Variants in GSPT2 observed in about 807,000 individuals in gnomAD.
The protein encoded by GSPT2 is eukaryotic peptide chain release factor GTP-binding subunit ERF3B.
GSPT2 carries 2 observed loss-of-function variants against 24.6 expected under a neutral mutation model. The ratio of observed to expected loss-of-function variants is 0.08; its 90% CI spans 0.03 to 0.26. The LOEUF (loss-of-function observed/expected upper bound fraction) is 0.26, where lower values mean the gene tolerates loss of function less well. Ranked by LOEUF, GSPT2 falls within the 10% of genes least tolerant of loss-of-function variation. GSPT2 has a pLI of 1.00. For synonymous variants in GSPT2, 194 were observed against 189.3 expected (o/e 1.02, Z -0.20); for missense variants, 322 against 489.6 (o/e 0.66, Z 3.23).
Position 51,744,602 on chromosome X carries a change from G to T in GSPT2, c.976G>T (p.Gly326Cys). 1 of 1,211,618 alleles carries T rather than the reference G, an allele frequency of 8.3e-7. No homozygotes were observed. Among genetic ancestry groups the T allele is most frequent in the Non-Finnish European group, 1.1e-6 (1 of 895,442 alleles). Residue 326 changes from glycine to cysteine, a missense_variant, in exon 1 of 1, where the codon GGT becomes TGT. By Grantham distance (159) the Gly-to-Cys change is radical. Transcript: ENST00000340438. ...KGEFETGFEKGGQTREHAMLA... is the reference protein window; with the variant it reads ...KGEFETGFEKCGQTREHAMLA... ...AGAGTTTGAAACTGGATTTGAAAAA[G>T]GTGGACAGACAAGAGAACATGCGAT...
In GSPT2 at chrX:51,744,459, CAG is replaced by C; in HGVS notation, c.835_836del (p.Glu279LysfsTer27). On this transcript the variant is annotated frameshift_variant, in exon 1 of 1. Coordinates refer to ENST00000340438, the MANE Select transcript of GSPT2 (RefSeq NM_018094.5). LOFTEE classifies it high-confidence loss of function. ...GAAGTGGGTCGTGCCTATTTTGAAA[CAG>C]AAAGGAAACATTTCACAATTTTAGA... is the stretch of plus-strand genomic sequence containing the variant. 8.3e-7 allele frequency: 1 copy of C among 1,210,813 alleles called. No homozygotes were observed. The highest frequency in any genetic ancestry group is 1.1e-6 in the Non-Finnish European group (1 of 894,897).
At position 51,743,799 on chromosome X, in the gene GSPT2, C is replaced by G; in HGVS notation, c.173C>G (p.Pro58Arg). ...CGTAAGCTCAACGTCAACGCCAAGC[C>G]CTTCGTGCCTAACGTACACGCCGCG... ...FSRKLNVNAK[P>R]FVPNVHAAEF... The change falls in exon 1 of 1, where the codon CCC (proline) becomes CGC (arginine). Residue 58 changes from proline to arginine, a missense_variant. Physicochemically the swap from Pro to Arg is moderately radical, Grantham distance 103. Transcript: ENST00000340438. The G allele has an allele frequency of 8.3e-7, 1 of 1,211,618 alleles. No homozygotes were observed. Among genetic ancestry groups the G allele is most frequent in the Non-Finnish European group, 1.1e-6 (1 of 895,303 alleles).
At position 51,745,745 on chromosome X, in the gene GSPT2, T is replaced by A. The variant is rs1557349051; in HGVS notation, c.*232T>A. ...TACCACTCTGCTTCCTTGGACAATA[T>A]CAGTAATAGCTTTGTAAGTGATGTG... On this transcript the variant is annotated 3_prime_UTR_variant, in exon 1 of 1. Transcript: ENST00000340438. 2.6e-6 allele frequency: 1 copy of A among 390,319 alleles called. No individual in the cohort carries two copies. Among genetic ancestry groups the A allele is most frequent in the South Asian group, 5.6e-5 (1 of 17,839 alleles). The allele number at this position is 390,319 out of a possible 1,213,427, so 32.2% of individuals were successfully genotyped here.
At position 51,744,356 on chromosome X, in the gene GSPT2, G is replaced by GA; in HGVS notation, c.737dup (p.Asn246LysfsTer22). ...GGAGAAATATGAAAGAGAAGCTAAG[G>GA]AAAAAAACAGAGAAACCTGGTATTT... On this transcript the variant is annotated frameshift_variant, in exon 1 of 1. Coordinates refer to ENST00000340438, the MANE Select transcript of GSPT2 (RefSeq NM_018094.5). LOFTEE classifies it high-confidence loss of function. 1 of 1,210,558 alleles carries GA rather than the reference G, an allele frequency of 8.3e-7. No homozygotes were observed. The highest frequency in any genetic ancestry group is 1.1e-6 in the Non-Finnish European group (1 of 894,901).
Position 51,743,543 on chromosome X carries a change from T to G in GSPT2, c.-84T>G. The G allele has an allele frequency of 1.1e-6, 1 of 887,191 alleles. No homozygotes were observed. Among genetic ancestry groups the G allele is most frequent in the East Asian group, 3.2e-5 (1 of 31,179 alleles). The allele number at this position is 887,191 out of a possible 1,213,427, so 73.1% of individuals were successfully genotyped here. ...TCGCTACCCCTTGGCCCTTCGCTCT[T>G]GCTGCCTTAACCCCGCCGGCGGAGC... is the stretch of plus-strand genomic sequence containing the variant. On this transcript the variant is annotated 5_prime_UTR_variant, in exon 1 of 1. Transcript: ENST00000340438.
rs1557348970 is a variant in GSPT2, at chrX:51,745,072, T to A, written c.1446T>A (p.Thr482=). 3 of 1,207,738 alleles carry A rather than the reference T, an allele frequency of 2.5e-6. No homozygotes were observed. In the East Asian group the frequency reaches 8.9e-5, roughly 36 times the overall value. Residue 482 remains threonine (T), a synonymous_variant, in exon 1 of 1, where the codon ACT becomes ACA. Transcript: ENST00000340438. ...VLGILSDDTE[T]DFVAPGENLK... Reference sequence around the variant, plus strand: ...GAATACTTTCTGATGATACTGAAACTGATTTTGTAGCCCCAGGTGAAAACC... The same window carrying A: ...GAATACTTTCTGATGATACTGAAACAGATTTTGTAGCCCCAGGTGAAAACC...
Position 51,744,206 on chromosome X carries a change from G to A in GSPT2, c.580G>A (p.Val194Ile), listed in dbSNP as rs367676302. The stretch of plus-strand genomic sequence containing the variant: ...AATAAGAAAATCCAAATCTGTGATC[G>A]TACCCTCAGGTGCACCTAAGAAAGA... ...EEIRKSKSVI[V>I]PSGAPKKEHV... The change falls in exon 1 of 1, where the codon GTA becomes ATA. Residue 194 changes from valine (V) to isoleucine (I), a missense_variant. Physicochemically the swap from Val to Ile is conservative, Grantham distance 29. Around this residue, in one of 4 missense-constraint regions of GSPT2, gnomAD observed 72 missense variants for 121.5 expected, o/e 0.59. Transcript: ENST00000340438. 1.6e-5 allele frequency: 19 copies of A among 1,204,554 alleles called. No individual in the cohort carries two copies. The highest frequency in any genetic ancestry group is 1.2e-5 in the Non-Finnish European group (11 of 891,075).
Position 51,743,784 on chromosome X carries a change from A to G in GSPT2, c.158A>G (p.Asn53Ser). ...AGCTCGGCTTTCAGCCGTAAGCTCA[A>G]CGTCAACGCCAAGCCCTTCGTGCCT... is the stretch of plus-strand genomic sequence containing the variant. ...PLSSAFSRKL[N>S]VNAKPFVPNV... Residue 53 changes from asparagine (N) to serine (S), a missense_variant, in exon 1 of 1, where the codon AAC becomes AGC. By Grantham distance (46) the Asn-to-Ser change is conservative (BLOSUM62 1). Transcript: ENST00000340438. 8.3e-7 allele frequency: 1 copy of G among 1,211,540 alleles called. No homozygotes were observed. The highest frequency in any genetic ancestry group is 2.3e-4 in the Middle Eastern group (1 of 4,354).
In GSPT2 at chrX:51,743,766, C is replaced by A. The variant is rs1409550536; in HGVS notation, c.140C>A (p.Ala47Asp). Residue 47 changes from alanine to aspartate, a missense_variant, in exon 1 of 1, where the codon GCT (alanine) becomes GAT (aspartate). Physicochemically the swap from Ala to Asp is moderately radical, Grantham distance 126 (BLOSUM62 -2). Around this residue, in one of 4 missense-constraint regions of GSPT2, gnomAD observed 125 missense variants for 121.3 expected, o/e 1.03. Coordinates refer to ENST00000340438, the MANE Select transcript of GSPT2 (RefSeq NM_018094.5). ...GCCCAGCGCGAGCCCCTCAGCTCGG[C>A]TTTCAGCCGTAAGCTCAACGTCAAC... is the stretch of plus-strand genomic sequence containing the variant. ...AEAQREPLSS[A>D]FSRKLNVNAK... 2 of 1,210,286 alleles carry A rather than the reference C, an allele frequency of 1.7e-6. No individual in the cohort carries two copies. Among genetic ancestry groups the A allele is most frequent in the East Asian group, 5.9e-5 (2 of 33,752 alleles).
Position 51,745,097 on chromosome X carries a change from C to T in GSPT2, c.1471C>T (p.Leu491Phe). The change falls in exon 1 of 1, where the codon CTC (leucine) becomes TTC (phenylalanine). Residue 491 changes from leucine (L) to phenylalanine (F), a missense_variant. This residue lies in a region of GSPT2 where 117 missense variants were observed against 204.1 expected (regional missense o/e 0.57). Transcript: ENST00000340438. ...ETDFVAPGENLKIRLKGIEEE... is the reference protein window; with the variant it reads ...ETDFVAPGENFKIRLKGIEEE... ...TGATTTTGTAGCCCCAGGTGAAAAC[C>T]TCAAAATCAGACTGAAGGGAATTGA... is the stretch of plus-strand genomic sequence containing the variant. The T allele has an allele frequency of 8.3e-7, 1 of 1,209,381 alleles. No homozygotes were observed. Among genetic ancestry groups the T allele is most frequent in the Non-Finnish European group, 1.1e-6 (1 of 893,460 alleles).
Position 51,743,981 on chromosome X carries a change from G to A in GSPT2, c.355G>A (p.Val119Met), listed in dbSNP as rs1457544403. 1 of 1,206,809 alleles carries A rather than the reference G, an allele frequency of 8.3e-7. No homozygotes were observed. The highest frequency in any genetic ancestry group is 1.7e-5 in the African/African-American group (1 of 57,150). Reference protein sequence around the residue: ...PVEPSREEPLVSLEGSNSAVT... With the variant: ...PVEPSREEPLMSLEGSNSAVT... ...GGAACCTTCCCGAGAGGAACCGTTA[G>A]TGTCGCTTGAAGGTTCCAATTCAGC... The change falls in exon 1 of 1, where the codon GTG (valine) becomes ATG (methionine). Residue 119 changes from valine to methionine, a missense_variant. Physicochemically the swap from Val to Met is conservative, Grantham distance 21. This residue lies in a region of GSPT2 where 125 missense variants were observed against 121.3 expected (regional missense o/e 1.03). Transcript: ENST00000340438.
rs1249484331 is a variant in GSPT2, at chrX:51,743,635, G to A, written c.9G>A (p.Ser3=). 1.7e-6 allele frequency: 2 copies of A among 1,193,613 alleles called. No homozygotes were observed. The highest frequency in any genetic ancestry group is 3.0e-5 in the East Asian group (1 of 33,596). The part of the protein sequence containing the change: MD[S]GSSSSDSAPD... ...CAGCAAGTTCCGAGACCATGGATTC[G>A]GGCAGCAGCAGCAGCGACTCGGCGC... Residue 3 remains serine, a synonymous_variant, in exon 1 of 1, where the codon TCG becomes TCA. Coordinates refer to ENST00000340438, the MANE Select transcript of GSPT2 (RefSeq NM_018094.5).
chrX:51,744,682 T>C lies in GSPT2; in HGVS notation c.1056T>C (p.Asp352=). ...TAATAGTGCTTATTAATAAGATGGA[T>C]GATCCCACAGTAAATTGGAGCATCG... The part of the protein sequence containing the change: ...KHLIVLINKM[D]DPTVNWSIER... Residue 352 remains aspartate, a synonymous_variant, in exon 1 of 1, where the codon GAT becomes GAC. Transcript: ENST00000340438. The C allele has an allele frequency of 8.3e-7, 1 of 1,209,601 alleles. No homozygotes were observed. The highest frequency in any genetic ancestry group is 1.1e-6 in the Non-Finnish European group (1 of 893,438).
chrX:51,743,609 A>G lies in GSPT2; in HGVS notation c.-18A>G, dbSNP rs782458357. ...GTTGAGCCCGCTCCCTCACTGCCAC[A>G]CAGCAAGTTCCGAGACCATGGATTC... On this transcript the variant is annotated 5_prime_UTR_variant, in exon 1 of 1. Coordinates refer to ENST00000340438, the MANE Select transcript of GSPT2 (RefSeq NM_018094.5). The G allele has an allele frequency of 8.5e-7, 1 of 1,173,353 alleles. No homozygotes were observed. The highest frequency in any genetic ancestry group is 1.1e-6 in the Non-Finnish European group (1 of 874,445).
At position 51,743,571 on chromosome X, in the gene GSPT2, G is replaced by C; in HGVS notation, c.-56G>C. 1.9e-6 allele frequency: 2 copies of C among 1,058,435 alleles called. No individual in the cohort carries two copies. The highest frequency in any genetic ancestry group is 2.5e-6 in the Non-Finnish European group (2 of 786,368). 87.2% of individuals were successfully genotyped at this position (1,058,435 alleles called of 1,213,427 possible). ...TGCCTTAACCCCGCCGGCGGAGCCC[G>C]CTCTTCTGGCCTGTTGAGCCCGCTC... On this transcript the variant is annotated 5_prime_UTR_variant, in exon 1 of 1. Coordinates refer to ENST00000340438, the MANE Select transcript of GSPT2 (RefSeq NM_018094.5).
Position 51,743,814 on chromosome X carries a change from T to C in GSPT2, c.188T>C (p.Val63Ala), listed in dbSNP as rs1033702848. 1.3e-5 allele frequency: 16 copies of C among 1,210,782 alleles called. No individual in the cohort carries two copies. The highest frequency in any genetic ancestry group is 1.7e-5 in the Non-Finnish European group (15 of 894,975). The change falls in exon 1 of 1, where the codon GTA becomes GCA. Residue 63 changes from valine to alanine, a missense_variant. By Grantham distance (64) the Val-to-Ala change is moderately conservative. Transcript: ENST00000340438. Reference sequence around the variant, plus strand: ...AACGCCAAGCCCTTCGTGCCTAACGTACACGCCGCGGAGTTCGTGCCGTCC... The same window carrying C: ...AACGCCAAGCCCTTCGTGCCTAACGCACACGCCGCGGAGTTCGTGCCGTCC... The part of the protein sequence containing the change: ...NVNAKPFVPN[V>A]HAAEFVPSFL...
rs781931639 is a variant in GSPT2 at position 51,743,952 on chromosome X, C to T, written c.326C>T (p.Pro109Leu). Residue 109 changes from proline to leucine, a missense_variant, in exon 1 of 1, where the codon CCT becomes CTT. Pro to Leu is a moderately conservative substitution (Grantham distance 98, BLOSUM62 -3). Coordinates refer to ENST00000340438, the MANE Select transcript of GSPT2 (RefSeq NM_018094.5). ...GGTAAAAGGATGGGACGGGGGGCACCTGTGGAACCTTCCCGAGAGGAACCG... is the reference window on the plus strand; with the variant it reads ...GGTAAAAGGATGGGACGGGGGGCACTTGTGGAACCTTCCCGAGAGGAACCG... ...PQGKRMGRGA[P>L]VEPSREEPLV... is the part of the protein sequence containing the mutation. The T allele has an allele frequency of 8.3e-7, 1 of 1,206,732 alleles. No homozygotes were observed. Among genetic ancestry groups the T allele is most frequent in the South Asian group, 1.8e-5 (1 of 56,030 alleles).
rs2146748945 is a variant in GSPT2, at chrX:51,743,866, C to A, written c.240C>A (p.Pro80=). The A allele has an allele frequency of 8.3e-7, 1 of 1,206,556 alleles. No individual in the cohort carries two copies. Reference sequence around the variant, plus strand: ...TCCTGCGGGGCCCGACTCAGCCGCCCACCCTCCCGGCCGGCTCCGGCAGCA... The same window carrying A: ...TCCTGCGGGGCCCGACTCAGCCGCCAACCCTCCCGGCCGGCTCCGGCAGCA... ...PSFLRGPTQP[P]TLPAGSGSND... is the part of the protein sequence containing the mutation. The change falls in exon 1 of 1, where the codon CCC becomes CCA. Residue 80 remains proline (P), a synonymous_variant. Coordinates refer to ENST00000340438, the MANE Select transcript of GSPT2 (RefSeq NM_018094.5).
Position 51,744,882 on chromosome X carries a change from A to G in GSPT2, c.1256A>G (p.Asn419Ser). 1 of 1,208,425 alleles carries G rather than the reference A, an allele frequency of 8.3e-7. No individual in the cohort carries two copies. The highest frequency in any genetic ancestry group is 3.0e-5 in the East Asian group (1 of 33,827). Residue 419 changes from asparagine to serine, a missense_variant, in exon 1 of 1, where the codon AAC (asparagine) becomes AGC (serine). Coordinates refer to ENST00000340438, the MANE Select transcript of GSPT2 (RefSeq NM_018094.5). Reference protein sequence around the residue: ...TGLPFIPYLDNLPNFNRSIDG... With the variant: ...TGLPFIPYLDSLPNFNRSIDG... ...TTACCATTTATTCCGTATTTGGATAACTTGCCAAACTTCAACAGATCAATT... is the reference window on the plus strand; with the variant it reads ...TTACCATTTATTCCGTATTTGGATAGCTTGCCAAACTTCAACAGATCAATT...
Sources: allele counts gnomAD v4.1 joint callset, GRCh38; gene constraint gnomAD v4.1.1; regional missense constraint gnomAD v4.1.1; transcripts MANE v1.5; gene names NCBI Gene and HGNC (gene_info 2026-07-23, HGNC 2026-07-21).